SCN1A: variants seen among roughly 807,000 people sequenced by gnomAD.
SCN1A encodes the protein sodium channel protein type 1 subunit alpha.
SCN1A carries 13 observed loss-of-function variants against 193.7 expected under a neutral mutation model. The ratio of observed to expected loss-of-function variants is 0.07; its 90% CI spans 0.04 to 0.11. The LOEUF (loss-of-function observed/expected upper bound fraction) is 0.11. Ranked by LOEUF, SCN1A falls within the 10% of genes least tolerant of loss-of-function variation. The pLI, the probability that SCN1A is intolerant of heterozygous loss-of-function variation, is 1.00. For synonymous variants in SCN1A, 781 were observed against 843.6 expected, an observed-to-expected ratio of 0.93 and a Z score of 1.29; for missense variants, 1,432 against 2,451.1, an observed-to-expected ratio of 0.58 and a Z score of 8.78.
intron 15 of SCN1A, 139 bp downstream of exon 15, chr2:166,042,153 T>C (rs1697259778): frequency 2.6e-6 from 2 of 770,366 alleles, no homozygotes; most frequent in Non-Finnish European, 4.2e-6. Context: ...TCTGAGTAGA[T>C]ATAAGAAATA....
intron 1 of SCN1A, 72 bp from the exon 2 acceptor site, chr2:166,127,082 C>G (rs1691331720): frequency 1.3e-5 from 2 of 152,184 alleles, no homozygotes. Context: ...TGACCTCTGT[C>G]TAAGTAAAAG....
intron 19 of SCN1A, among the ~76,000 whole-genome samples, chr2:166,023,000 A>G (rs984930272): frequency 6.6e-6 from 1 of 152,182 alleles, no homozygotes; most frequent in Non-Finnish European, 1.5e-5. Context: ...GGCAAAAAGC[A>G]CACAATAGGT....
intron 19 of SCN1A, among the ~76,000 whole-genome samples, chr2:166,021,720 T>C (rs914392673): frequency 6.6e-6 from 1 of 152,184 alleles, no homozygotes; most frequent in African/African-American, 2.4e-5. Context: ...CTGCAGATCA[T>C]AAGTTGTACA....
At chr2:166,096,946 TC>T (rs1286437564) in intron 2 of SCN1A, among the ~76,000 whole-genome samples, 1 of 152,214 alleles carries the variant, frequency 6.6e-6, no homozygotes, top group East Asian at 1.9e-4. Context: ...AACAAAACAC[TC>T]TAAGTGTTCA....
chr2:166,038,540 G>A (rs955580500), intron 17 of SCN1A, among the ~76,000 whole-genome samples: 5 of 151,940 alleles, frequency 3.3e-5, no homozygotes, highest in Non-Finnish European at 5.9e-5. Flanking sequence ...GTTTCACCAT[G>A]TTGGCCAGGC....
intron 10 of SCN1A, 69 bp downstream of exon 10, chr2:166,048,817 G>T: frequency 9.7e-7 from 1 of 1,032,110 alleles, no homozygotes; most frequent in Non-Finnish European, 1.5e-6. Flanking sequence ...TCTATAAAAA[G>T]AGAGAAAAGA....
intron 1 of SCN1A, among the ~76,000 whole-genome samples, chr2:166,135,770 ACATTTAG>A (rs1373037365): frequency 6.6e-6 from 1 of 152,174 alleles, no homozygotes; most frequent in Non-Finnish European, 1.5e-5. Context: ...GAAAATAATG[ACATTTAG>A]CCTAGTTCTC....
At chr2:166,073,760 T>A in intron 3 of SCN1A, 90 bp from the exon 4 acceptor site, 1 of 989,144 alleles carries the variant, frequency 1.0e-6, no homozygotes, top group Non-Finnish European at 1.5e-6. Flanking sequence ...AGCTAGAGGA[T>A]TTAAAGTCTG....
chr2:166,025,539 A>G (rs533461638), intron 19 of SCN1A, among the ~76,000 whole-genome samples: 8 of 152,280 alleles, frequency 5.3e-5, no homozygotes, highest in Non-Finnish European at 1.2e-4. Context: ...CCTTTTTGTC[A>G]TAAATGTAAT....
At position 165,995,997 on chromosome 2, in the gene SCN1A, A is replaced by G. The variant is rs1219659364; in HGVS notation, c.4581+16T>C. ...TGTTTTTGTATTTTTCCCCCATATC[A>G]TTTGATACTTCTTACTCCTGGTCGA... On this transcript the variant is annotated intron_variant, in intron 27 of 28. Transcript: ENST00000674923. 1.3e-6 allele frequency: 2 copies of G among 1,522,640 alleles called. No homozygotes were observed. The highest frequency in any genetic ancestry group is 2.3e-5 in the East Asian group (1 of 44,234). 94.3% of individuals were successfully genotyped at this position (1,522,640 alleles called of 1,614,324 possible).
At chr2:166,020,635 A>G (rs1193410894) in intron 19 of SCN1A, among the ~76,000 whole-genome samples, 1 of 152,206 alleles carries the variant, frequency 6.6e-6, no homozygotes, top group African/African-American at 2.4e-5. Flanking sequence ...TGTATTTATA[A>G]AAACTAAGTC....
chr2:166,116,570 T>A (rs987803175), intron 2 of SCN1A, among the ~76,000 whole-genome samples: 5 of 149,736 alleles, frequency 3.3e-5, no homozygotes, highest in African/African-American at 1.2e-4. Context: ...TATCAGATAA[T>A]CTGATAATTC....
chr2:166,076,458 T>G (rs540108144), intron 3 of SCN1A, among the ~76,000 whole-genome samples: 10 of 152,140 alleles, frequency 6.6e-5, no homozygotes, highest in Admixed American at 5.9e-4. Context: ...TCAAAGACAC[T>G]AGTTCTTCCC....
chr2:166,134,328 A>G (rs1258017899), intron 1 of SCN1A, among the ~76,000 whole-genome samples: 5 of 152,204 alleles, frequency 3.3e-5, no homozygotes, highest in Admixed American at 6.5e-5. Flanking sequence ...AAAGGAAATT[A>G]ATATTGAGTA....
In SCN1A at chr2:166,142,645, T is replaced by A. The variant is rs144379135; in HGVS notation, c.-50+6402A>T. Among the ~76,000 whole-genome samples, 56 of 152,318 alleles carry A rather than the reference T, an allele frequency of 3.7e-4. 1 individual carries two copies. The East Asian group carries it at 8.9e-3, about 24-fold the overall frequency. ...TGACACCTGTTGTACTTTCCTTACC[T>A]CTCTGAATAAAATAATTCCAACAGA... On this transcript the variant is annotated intron_variant, in intron 1 of 26. Coordinates refer to the SCN1A transcript ENST00000635750.
At chr2:166,117,954 C>T (rs1690050696) in intron 2 of SCN1A, among the ~76,000 whole-genome samples, 1 of 127,618 alleles carries the variant, frequency 7.8e-6, no homozygotes, top group Admixed American at 9.2e-5. Context: ...TAGAGTGAGA[C>T]TCTGTCTCAA....
chr2:166,140,367 C>T (rs547470868), intron 1 of SCN1A, among the ~76,000 whole-genome samples: 2 of 152,116 alleles, frequency 1.3e-5, no homozygotes, highest in East Asian at 1.9e-4. Flanking sequence ...GGGGGAGAGA[C>T]ATTTCTACAA....
intron 4 of SCN1A, among the ~76,000 whole-genome samples, chr2:166,069,722 A>G (rs1295444938): frequency 1.3e-5 from 2 of 152,226 alleles, no homozygotes; most frequent in African/African-American, 4.8e-5. Context: ...GAGTCTTTGT[A>G]TACTGATGCA....
chr2:165,999,950 C>G (rs1452341994), intron 24 of SCN1A, 174 bp from the exon 25 acceptor site: 1 of 644,262 alleles, frequency 1.6e-6, no homozygotes, highest in African/African-American at 1.8e-5. Context: ...CTTTTCATTT[C>G]TAGAACACAT....
Sources: allele counts gnomAD v4.1 joint callset (sites outside exome capture counted in the v4.1 genomes callset), GRCh38; gene constraint gnomAD v4.1.1; transcripts MANE v1.5; gene names NCBI Gene and HGNC (gene_info 2026-07-23, HGNC 2026-07-21).